Variants in RIPOR2 observed in about 807,000 individuals in gnomAD.
The protein encoded by RIPOR2 is rho family-interacting cell polarization regulator 2.
A neutral mutation model predicts 114.5 loss-of-function variants in RIPOR2; 39 were observed. That is an observed-to-expected ratio of 0.34 (90% confidence interval 0.26 to 0.44). RIPOR2 has a LOEUF of 0.44. Ranked by LOEUF, RIPOR2 falls within the 20% of genes least tolerant of loss-of-function variation. RIPOR2 has a pLI of 1.00. For synonymous variants in RIPOR2, 445 were observed against 484.4 expected (o/e 0.92, Z 1.07); for missense variants, 1,007 against 1,255.1 (o/e 0.80, Z 2.99).
chr6:24,912,106 C>T (rs1769666176), intron 1 of RIPOR2, among the ~76,000 whole-genome samples: 1 of 152,202 alleles, frequency 6.6e-6, no homozygotes, highest in South Asian at 2.1e-4. Flanking sequence ...TGTCATAACT[C>T]ACCTAGGAAT....
intron 1 of RIPOR2, among the ~76,000 whole-genome samples, chr6:24,930,744 G>T (rs866449957): frequency 6.6e-6 from 1 of 152,154 alleles, no homozygotes; most frequent in Admixed American, 6.5e-5. Flanking sequence ...CCAGGAATTC[G>T]GGGGTGGAAA....
At chr6:24,977,110 T>C (rs1240509201) in intron 1 of RIPOR2, 16 of 844,272 alleles carry the variant, frequency 1.9e-5, no homozygotes, top group Non-Finnish European at 2.8e-5. Context: ...TTGGGTTCCA[T>C]GTTTTCCTTG....
upstream of RIPOR2, among the ~76,000 whole-genome samples, chr6:24,940,709 G>A (rs961976995): frequency 2.6e-5 from 4 of 151,732 alleles, no homozygotes; most frequent in African/African-American, 7.3e-5. Flanking sequence ...GCAGTGGCTC[G>A]ACCTTGGCTC....
chr6:24,822,587 C>G (rs1181474451), intron 19 of RIPOR2, among the ~76,000 whole-genome samples: 1 of 152,088 alleles, frequency 6.6e-6, no homozygotes, highest in Non-Finnish European at 1.5e-5. Flanking sequence ...GGTGCGATCT[C>G]AGGTCACTGC....
At chr6:25,033,478 A>G (rs1036276018) in intron 1 of RIPOR2, among the ~76,000 whole-genome samples, 1 of 152,094 alleles carries the variant, frequency 6.6e-6, no homozygotes, top group South Asian at 2.1e-4. Flanking sequence ...GCATTTTTCC[A>G]AGAAGCCCTC....
chr6:24,929,400 C>G (rs1416306322), intron 1 of RIPOR2: 1 of 152,198 alleles, frequency 6.6e-6, no homozygotes, highest in Non-Finnish European at 1.5e-5. Flanking sequence ...CAAGCACATC[C>G]TCATTTCAGG....
rs1336222363 is a variant in RIPOR2, at chr6:24,837,418, C to T, written c.2040-1547G>A. Among the ~76,000 whole-genome samples, 8 of 152,036 alleles carry T rather than the reference C, an allele frequency of 5.3e-5. No homozygotes were observed. In the South Asian group the frequency reaches 1.5e-3, roughly 28 times the overall value. Reference sequence around the variant, plus strand: ...TACAGGAGTGAGCCACCACTCCCGGCCTTATTTATTTATTTGAGAGAAGGT... The same window carrying T: ...TACAGGAGTGAGCCACCACTCCCGGTCTTATTTATTTATTTGAGAGAAGGT... On this transcript the variant is annotated intron_variant, in intron 14 of 21. Coordinates refer to ENST00000643898, the MANE Select transcript of RIPOR2 (RefSeq NM_001286445.3).
At chr6:24,905,276 T>C (rs1449791505) in intron 1 of RIPOR2, among the ~76,000 whole-genome samples, 1 of 152,194 alleles carries the variant, frequency 6.6e-6, no homozygotes, top group East Asian at 1.9e-4. Context: ...TAGATTCTAT[T>C]CTCTGCAACT....
chr6:24,984,386 G>T (rs536315908), intron 1 of RIPOR2, among the ~76,000 whole-genome samples: 1 of 152,238 alleles, frequency 6.6e-6, no homozygotes, highest in Middle Eastern at 3.4e-3. Context: ...ATTCTCCAGG[G>T]TGGGGAGAAT....
At chr6:24,875,545 G>A (rs1235951294) in intron 2 of RIPOR2, 146 bp downstream of exon 2, 6 of 719,828 alleles carry the variant, frequency 8.3e-6, no homozygotes, top group Non-Finnish European at 1.4e-5. Flanking sequence ...TTAATTTTTA[G>A]TACATCCTTT....
At chr6:24,987,941 C>T (rs571582134) in intron 1 of RIPOR2, among the ~76,000 whole-genome samples, 165 of 152,240 alleles carry the variant, frequency 1.1e-3, no homozygotes, top group African/African-American at 3.6e-3. Flanking sequence ...ATCTAAGGGG[C>T]CTTGCTACAA....
At position 24,973,534 on chromosome 6, in the gene RIPOR2, T is replaced by C. The variant is rs541675212; in HGVS notation, c.76+68317A>G. ...ATAGCTTGAACCTGGAAGGCAGAGA[T>C]TGCAGGGAGCTGAGATCACACCACT... On this transcript the variant is annotated intron_variant, in intron 1 of 13. Transcript: ENST00000510784. Among the ~76,000 whole-genome samples the C allele has an allele frequency of 3.3e-5, 5 of 151,258 alleles. No homozygotes were observed. In the East Asian group the frequency reaches 7.8e-4, roughly 24 times the overall value.
chr6:24,983,743 C>T (rs560084958), intron 1 of RIPOR2, among the ~76,000 whole-genome samples: 14 of 110,346 alleles, frequency 1.3e-4, no homozygotes, highest in Admixed American at 9.7e-4. Context: ...GGCAACAGAA[C>T]GAGACTGTGT....
intron 1 of RIPOR2, among the ~76,000 whole-genome samples, chr6:24,920,322 A>G (rs1432222839): frequency 3.3e-5 from 5 of 152,238 alleles, no homozygotes; most frequent in African/African-American, 1.2e-4. Context: ...CTTGGTATGC[A>G]TAGCACCAAA....
chr6:24,983,112 T>C (rs1196728492), intron 1 of RIPOR2, among the ~76,000 whole-genome samples: 1 of 152,098 alleles, frequency 6.6e-6, no homozygotes, highest in East Asian at 1.9e-4. Flanking sequence ...TCCTGGGTTG[T>C]TGCAGTCCGC....
At chr6:24,847,528 C>T (rs1251262018) in intron 12 of RIPOR2, 1 of 1,549,700 alleles carries the variant, frequency 6.5e-7, no homozygotes, top group South Asian at 1.2e-5. Context: ...CATACCCGGG[C>T]AGGCCACACT....
chr6:24,832,576 T>C (rs1760772608), intron 15 of RIPOR2, among the ~76,000 whole-genome samples, 185 bp from the exon 16 acceptor site: 1 of 152,242 alleles, frequency 6.6e-6, no homozygotes, highest in African/African-American at 2.4e-5. Flanking sequence ...GGCATGTTTT[T>C]GTTGCTTTGC....
chr6:25,004,864 A>C lies in RIPOR2; in HGVS notation c.76+36987T>G, dbSNP rs547781557. On this transcript the variant is annotated intron_variant, in intron 1 of 13. Transcript: ENST00000510784. ...TTTGAAGGGAGACAAACATTTTTCC[A>C]GTTCCTTCCTTAAGGTACTTTAGTA... 3.3e-5 allele frequency among the ~76,000 whole-genome samples: 5 copies of C among 151,986 alleles called. No homozygotes were observed. The South Asian group carries it at 1.0e-3, about 32-fold the overall frequency.
intron 21 of RIPOR2, 102 bp downstream of exon 21, chr6:24,809,615 C>T: frequency 2.6e-6 from 2 of 772,764 alleles, no homozygotes; most frequent in African/African-American, 1.7e-5. Flanking sequence ...AAACAGGGTA[C>T]ATGAAACTTC....
Sources: allele counts gnomAD v4.1 joint callset (sites outside exome capture counted in the v4.1 genomes callset), GRCh38; gene constraint gnomAD v4.1.1; transcripts MANE v1.5; gene names NCBI Gene and HGNC (gene_info 2026-07-23, HGNC 2026-07-21).